Variants in RAI1 observed in about 807,000 individuals in gnomAD.
RAI1 encodes retinoic acid induced 1.
A neutral mutation model predicts 123.8 loss-of-function variants in RAI1; 9 were observed. That is an observed-to-expected ratio of 0.07 (90% CI 0.04 to 0.13). The LOEUF is 0.13. RAI1 is among the 10% of genes least tolerant of loss of function. The pLI is 1.00. For synonymous variants in RAI1, 1,231 were observed against 1,127.3 expected (o/e 1.09, Z -1.84); for missense variants, 2,256 against 2,545.8 (o/e 0.89, Z 2.45).
intron 2 of RAI1, among the ~76,000 whole-genome samples, chr17:17,775,941 C>T (rs2142996440): frequency 6.6e-6 from 1 of 152,364 alleles, no homozygotes; most frequent in Middle Eastern, 3.4e-3. Flanking sequence ...GCCCTGGCAG[C>T]AGCAGGTCCC....
In RAI1 at chr17:17,728,974, G is replaced by A. The variant is rs542146418; in HGVS notation, c.-17+4815G>A. Among the ~76,000 whole-genome samples, 451 of 152,300 alleles carry A rather than the reference G, an allele frequency of 3.0e-3. 3 individuals are homozygous for A. Among genetic ancestry groups the A allele is most frequent in the African/African-American group, 0.01 (420 of 41,552 alleles). On this transcript the variant is annotated intron_variant, in intron 2 of 5. Transcript: ENST00000353383. ...CGCCCCTGAGGTGGTTCCTTGCTGAGGTCCGAGCAGCACAGGGCTGGGCGG... is the reference window on the plus strand; with the variant it reads ...CGCCCCTGAGGTGGTTCCTTGCTGAAGTCCGAGCAGCACAGGGCTGGGCGG...
At chr17:17,742,024 A>T (rs962435414) in intron 2 of RAI1, among the ~76,000 whole-genome samples, 1 of 152,242 alleles carries the variant, frequency 6.6e-6, no homozygotes, top group Admixed American at 6.5e-5. Flanking sequence ...AATAAAAAGG[A>T]ATTACGTTTG....
intron 2 of RAI1, among the ~76,000 whole-genome samples, chr17:17,783,065 G>A (rs985920964): frequency 0.068 from 3 of 44 alleles, no homozygotes; most frequent in African/African-American, 0.17. Flanking sequence ...GATGAATGAT[G>A]GGGGCTGGTG....
intron 4 of RAI1, among the ~76,000 whole-genome samples, chr17:17,808,765 C>T (rs2032648348): frequency 6.6e-6 from 1 of 152,162 alleles, no homozygotes; most frequent in Non-Finnish European, 1.5e-5. Context: ...TCTATACACT[C>T]CCATCCTCAA....
Position 17,699,637 on chromosome 17 carries a change from G to GC in RAI1, c.-149+17844_-149+17845insC, listed in dbSNP as rs1170352027. Among the ~76,000 whole-genome samples the GC allele has an allele frequency of 3.3e-4, 48 of 143,694 alleles. 2 individuals carry two copies. Among genetic ancestry groups the GC allele is most frequent in the African/African-American group, 1.2e-3 (48 of 39,692 alleles). 94.3% of individuals were successfully genotyped at this position (143,694 alleles called of 152,430 possible). On this transcript the variant is annotated intron_variant, in intron 1 of 5. Transcript: ENST00000353383. Reference sequence around the variant, plus strand: ...ATCCATTGTCGGGGGGCCGGGGGGGGGGGAATCAAATGAATTGCCAGTGAG... The same window carrying GC: ...ATCCATTGTCGGGGGGCCGGGGGGGGCGGGAATCAAATGAATTGCCAGTGAG...
rs769330491 is a variant in RAI1 at position 17,795,490 on chromosome 17, G to A, written c.2542G>A (p.Ala848Thr). The change falls in exon 3 of 6, where the codon GCC (alanine) becomes ACC (threonine). Residue 848 changes from alanine to threonine, a missense_variant. Ala to Thr is a moderately conservative substitution (Grantham distance 58). Coordinates refer to ENST00000353383, the MANE Select transcript of RAI1 (RefSeq NM_030665.4). The surrounding 1 kb of genome is among the most constrained non-coding windows in gnomAD (Gnocchi z 5.9). ...LEDSRHCCSTADFGDLPLLPP... is the reference protein window; with the variant it reads ...LEDSRHCCSTTDFGDLPLLPP... ...GGACAGCCGGCACTGCTGTTCCACC[G>A]CCGACTTCGGGGACCTCCCACTGCT... 1.4e-5 allele frequency: 22 copies of A among 1,584,932 alleles called. No homozygotes were observed. In the Middle Eastern group the frequency reaches 8.3e-4, roughly 60 times the overall value.
Position 17,770,235 on chromosome 17 carries a change from C to T in RAI1, c.-16-22698C>T, listed in dbSNP as rs867888378. Among the ~76,000 whole-genome samples the T allele has an allele frequency of 1.3e-4, 20 of 151,140 alleles. No individual in the cohort carries two copies. In the East Asian group the frequency reaches 2.0e-3, roughly 15 times the overall value. On this transcript the variant is annotated intron_variant, in intron 2 of 5. Coordinates refer to ENST00000353383, the MANE Select transcript of RAI1 (RefSeq NM_030665.4). Reference sequence around the variant, plus strand: ...GGGAGACAGCCTGTCTCCCAAAGGGCGGTGGGGTGGCTGAGCCTCAAGGAC... The same window carrying T: ...GGGAGACAGCCTGTCTCCCAAAGGGTGGTGGGGTGGCTGAGCCTCAAGGAC...
intron 3 of RAI1, chr17:17,802,088 C>T: frequency 2.1e-6 from 1 of 470,996 alleles, no homozygotes; most frequent in Non-Finnish European, 4.4e-6. Context: ...CCTCCCCGGC[C>T]TCAGGTTTGC....
chr17:17,707,434 G>A (rs1474527342), intron 1 of RAI1, among the ~76,000 whole-genome samples: 2 of 152,158 alleles, frequency 1.3e-5, no homozygotes, highest in Non-Finnish European at 2.9e-5. Context: ...AAAGACTCGA[G>A]GGAGGTCAGT....
rs577431679 is a variant in RAI1, at chr17:17,729,867, C to T, written c.-17+5708C>T. Among the ~76,000 whole-genome samples, 3 of 152,306 alleles carry T rather than the reference C, an allele frequency of 2.0e-5. No homozygotes were observed. The South Asian group carries it at 6.2e-4, about 32-fold the overall frequency. ...AGCCTCTAGGGGGCAAAGATGCTCA[C>T]TGGACCCACCTGAGGCTATGTTAGC... On this transcript the variant is annotated intron_variant, in intron 2 of 5. Coordinates refer to ENST00000353383, the MANE Select transcript of RAI1 (RefSeq NM_030665.4).
chr17:17,803,719 A>G lies in RAI1; in HGVS notation c.5566-37A>G, dbSNP rs751197930. 1.4e-5 allele frequency: 22 copies of G among 1,587,610 alleles called. No homozygotes were observed. In the Middle Eastern group the frequency reaches 6.7e-4, roughly 48 times the overall value. ...TGTAAAGCTTGAGGGCTGGGCTCCAACTGGAGACTCACCTGCCTTTCCTTT... is the reference window on the plus strand; with the variant it reads ...TGTAAAGCTTGAGGGCTGGGCTCCAGCTGGAGACTCACCTGCCTTTCCTTT... On this transcript the variant is annotated intron_variant, in intron 3 of 5. Transcript: ENST00000353383.
At position 17,796,158 on chromosome 17, in the gene RAI1, A is replaced by G; in HGVS notation, c.3210A>G (p.Gly1070=). 6.4e-7 allele frequency: 1 copy of G among 1,563,854 alleles called. No homozygotes were observed. The highest frequency in any genetic ancestry group is 8.7e-7 in the Non-Finnish European group (1 of 1,153,090). The change falls in exon 3 of 6, where the codon GGA becomes GGG. Residue 1070 remains glycine (G), a synonymous_variant. Coordinates refer to ENST00000353383, the MANE Select transcript of RAI1 (RefSeq NM_030665.4). This position sits in a 1 kb window ranked among gnomAD's most constrained non-coding sequence, Gnocchi z 5.8. ...CCCTGAGTGAGCCCCGCACGCCCGG[A>G]CCCCCAGGCCTGACCACCACCCCTG... is the stretch of plus-strand genomic sequence containing the variant. The part of the protein sequence containing the change: ...LTALSEPRTP[G]PPGLTTTPAP...
At chr17:17,773,244 A>G (rs1249024572) in intron 2 of RAI1, among the ~76,000 whole-genome samples, 1 of 152,138 alleles carries the variant, frequency 6.6e-6, no homozygotes, top group Non-Finnish European at 1.5e-5. Flanking sequence ...TGTCTGTAAA[A>G]TGGTCAGCTC....
intron 2 of RAI1, among the ~76,000 whole-genome samples, chr17:17,744,023 T>G (rs1033795791): frequency 6.6e-6 from 1 of 152,186 alleles, no homozygotes; most frequent in African/African-American, 2.4e-5. Flanking sequence ...CATTGCATTT[T>G]TTTGCACAGT....
intron 1 of RAI1, among the ~76,000 whole-genome samples, chr17:17,716,609 C>CT (rs1915721899): frequency 6.6e-6 from 1 of 152,076 alleles, no homozygotes; most frequent in South Asian, 2.1e-4. Context: ...GCCTGTGTGT[C>CT]TGAGTGCACA....
Position 17,797,345 on chromosome 17 carries a change from G to A in RAI1, c.4397G>A (p.Arg1466Gln), listed in dbSNP as rs369962661. 1.3e-5 allele frequency: 21 copies of A among 1,612,198 alleles called. No individual in the cohort carries two copies. Among genetic ancestry groups the A allele is most frequent in the Middle Eastern group, 1.7e-4 (1 of 5,962 alleles). Residue 1466 changes from arginine (R) to glutamine (Q), a missense_variant, in exon 3 of 6, where the codon CGG becomes CAG. Coordinates refer to ENST00000353383, the MANE Select transcript of RAI1 (RefSeq NM_030665.4). ...HGLSKGPLEK[R>Q]PYLGPALLLT... ...CTCTCCAAAGGCCCGCTGGAGAAGC[G>A]GCCCTATCTTGGCCCGGCTCTGCTC...
At chr17:17,798,752 A>G (rs922768552) in intron 3 of RAI1, among the ~76,000 whole-genome samples, 1 of 152,058 alleles carries the variant, frequency 6.6e-6, no homozygotes, top group Non-Finnish European at 1.5e-5. Context: ...CGGGGCCCGT[A>G]TGCCCAGCCA....
chr17:17,782,902 A>G (rs769476813), intron 2 of RAI1, among the ~76,000 whole-genome samples: 339 of 152,230 alleles, frequency 2.2e-3, no homozygotes, highest in Non-Finnish European at 2.4e-3. Context: ...GGAGCTGCGG[A>G]GGCCGTACGC....
At chr17:17,722,672 G>A (rs907146460) in intron 1 of RAI1, among the ~76,000 whole-genome samples, 5 of 152,208 alleles carry the variant, frequency 3.3e-5, no homozygotes, top group Admixed American at 3.3e-4. Flanking sequence ...GAATCATCGA[G>A]TCTCAGTTCT....
Sources: gnomAD v4.1 joint callset for allele counts (sites outside exome capture counted in the v4.1 genomes callset) on GRCh38, gnomAD v4.1.1 for gene constraint, Gnocchi (gnomAD v3.1) non-coding constraint, MANE v1.5 for transcripts, NCBI Gene and HGNC (gene_info 2026-07-23, HGNC 2026-07-21) for gene names.